Variants in ATG7 observed in about 807,000 individuals in gnomAD.
The protein encoded by ATG7 is autophagy related 7.
ATG7 carries 70 observed loss-of-function variants against 82.4 expected under a neutral mutation model. The ratio of observed to expected loss-of-function variants is 0.85; its 90% CI spans 0.70 to 1.04. The LOEUF is 1.04. Ranked by LOEUF, ATG7 falls within the 50% of genes least tolerant of loss-of-function variation. The pLI is 0.00. For missense variants in ATG7, 792 were observed against 864.3 expected (o/e 0.92, Z 1.05); for synonymous variants, 287 against 313.0 (o/e 0.92, Z 0.88).
chr3:11,510,043 C>G (rs1390584919), intron 20 of ATG7: 1 of 315,850 alleles, frequency 3.2e-6, no homozygotes, highest in Non-Finnish European at 6.3e-6. Context: ...CTGTTTTCCT[C>G]CAAGACTAGG....
chr3:11,395,790 A>G (rs2079170803), intron 19 of ATG7, among the ~76,000 whole-genome samples: 1 of 151,890 alleles, frequency 6.6e-6, no homozygotes, highest in Non-Finnish European at 1.5e-5. Flanking sequence ...AATACAAAAA[A>G]TTAGCCGGGC....
At chr3:11,416,100 T>C (rs1219612175) in intron 19 of ATG7, among the ~76,000 whole-genome samples, 1 of 152,206 alleles carries the variant, frequency 6.6e-6, no homozygotes, top group African/African-American at 2.4e-5. Context: ...TACTGTATCA[T>C]TGGATTCGAT....
At chr3:11,427,063 G>C (rs1294568204) in intron 20 of ATG7, 137 bp downstream of exon 20, 1 of 1,148,068 alleles carries the variant, frequency 8.7e-7, no homozygotes, top group Admixed American at 3.3e-5. Context: ...AAGTCTGCTA[G>C]TTACCAGAGA....
intron 20 of ATG7, among the ~76,000 whole-genome samples, chr3:11,528,825 CA>C (rs11377789): frequency 0.053 from 4,660 of 88,694 alleles, 177 homozygotes; most frequent in African/African-American, 0.17. Flanking sequence ...GACTCCATCT[CA>C]AAAAAAAAAA....
chr3:11,554,682 A>G, intron 20 of ATG7, 129 bp from the exon 21 acceptor site: 1 of 1,125,482 alleles, frequency 8.9e-7, no homozygotes, highest in Non-Finnish European at 1.3e-6. Flanking sequence ...ATGGGGTGAC[A>G]GTCCCTCAGA....
chr3:11,332,218 A>T (rs1575502099), intron 10 of ATG7, among the ~76,000 whole-genome samples: 1 of 152,210 alleles, frequency 6.6e-6, no homozygotes, highest in Non-Finnish European at 1.5e-5. Flanking sequence ...GTGAACTATT[A>T]ATACAGAGAT....
chr3:11,286,549 T>G (rs571804740), intron 3 of ATG7, among the ~76,000 whole-genome samples: 8 of 146,626 alleles, frequency 5.5e-5, no homozygotes, highest in East Asian at 2.0e-4. Context: ...TGTTTTGTGT[T>G]TTTTTTTTTG....
intron 19 of ATG7, among the ~76,000 whole-genome samples, chr3:11,400,226 G>T (rs904872759): frequency 1.3e-5 from 2 of 152,086 alleles, no homozygotes; most frequent in Admixed American, 1.3e-4. Context: ...TCAACCTTAG[G>T]CTGTAAGAGA....
chr3:11,506,344 A>G (rs2091707166), intron 20 of ATG7, among the ~76,000 whole-genome samples: 1 of 152,186 alleles, frequency 6.6e-6, no homozygotes, highest in Admixed American at 6.5e-5. Context: ...TAACTGCCTC[A>G]GTTGCACTGG....
chr3:11,468,301 G>T (rs1259718009), intron 20 of ATG7, among the ~76,000 whole-genome samples: 1 of 42,344 alleles, frequency 2.4e-5, no homozygotes, highest in Non-Finnish European at 4.3e-5. Flanking sequence ...GAGAATGGAA[G>T]GGGTAAGTGG....
chr3:11,547,399 G>A (rs2071387648), intron 20 of ATG7, among the ~76,000 whole-genome samples: 1 of 152,132 alleles, frequency 6.6e-6, no homozygotes, highest in South Asian at 2.1e-4. Flanking sequence ...ATCAGTTGGT[G>A]GAAACTGGAT....
At chr3:11,454,205 C>T (rs1245167052) in intron 20 of ATG7, among the ~76,000 whole-genome samples, 2 of 152,022 alleles carry the variant, frequency 1.3e-5, no homozygotes, top group African/African-American at 4.8e-5. Context: ...TGATTTTTAC[C>T]CAGAGAAGCC....
chr3:11,325,180 G>A (rs751924473), intron 9 of ATG7, among the ~76,000 whole-genome samples: 7 of 152,106 alleles, frequency 4.6e-5, no homozygotes, highest in Non-Finnish European at 8.8e-5. Context: ...CTGTGATGTT[G>A]GTATGACGGT....
chr3:11,297,237 A>C (rs1946079834), intron 3 of ATG7, among the ~76,000 whole-genome samples: 1 of 152,136 alleles, frequency 6.6e-6, no homozygotes, highest in Non-Finnish European at 1.5e-5. Flanking sequence ...CCATGCCTGT[A>C]GTCTCAGCCA....
chr3:11,407,328 G>A lies in ATG7; in HGVS notation c.1957-19476G>A, dbSNP rs1247352286. 2.0e-5 allele frequency among the ~76,000 whole-genome samples: 3 copies of A among 152,198 alleles called. No individual in the cohort carries two copies. The East Asian group carries it at 5.8e-4, about 29-fold the overall frequency. On this transcript the variant is annotated intron_variant, in intron 19 of 20. Transcript: ENST00000693202. Reference sequence around the variant, plus strand: ...GGCATGATTGGTTCCCATGGTCTTGGGCAGCTCTGCCCCTGTGGCTTTGCA... The same window carrying A: ...GGCATGATTGGTTCCCATGGTCTTGAGCAGCTCTGCCCCTGTGGCTTTGCA...
At chr3:11,566,242 C>A in the ATG7 span, among the ~76,000 whole-genome samples, 1 of 152,190 alleles carries the variant, frequency 6.6e-6, no homozygotes, top group Non-Finnish European at 1.5e-5. Context: ...CACACACACA[C>A]GCATGTGATA....
At chr3:11,504,829 T>C (rs1398364512) in intron 20 of ATG7, among the ~76,000 whole-genome samples, 2 of 152,128 alleles carry the variant, frequency 1.3e-5, no homozygotes, top group Non-Finnish European at 2.9e-5. Flanking sequence ...GTCAAAATAA[T>C]GTCAACACTG....
intron 20 of ATG7, among the ~76,000 whole-genome samples, chr3:11,463,421 A>G (rs2086534575): frequency 6.6e-6 from 1 of 152,290 alleles, no homozygotes; most frequent in African/African-American, 2.4e-5. Context: ...TGTTGAACCA[A>G]TTGGTTCAGT....
chr3:11,403,752 G>C (rs2080067999), intron 19 of ATG7, among the ~76,000 whole-genome samples: 1 of 152,164 alleles, frequency 6.6e-6, no homozygotes, highest in Non-Finnish European at 1.5e-5. Context: ...TGAGGTCGAA[G>C]TATGAATATC....
Sources: gnomAD v4.1 joint callset for allele counts (sites outside exome capture counted in the v4.1 genomes callset) on GRCh38, gnomAD v4.1.1 for gene constraint, MANE v1.5 for transcripts, NCBI Gene and HGNC (gene_info 2026-07-23, HGNC 2026-07-21) for gene names.